DBF4B: variants seen among roughly 807,000 people sequenced by gnomAD.
DBF4B encodes DBF4B-CDC7 kinase regulatory subunit.
A neutral mutation model predicts 53.4 loss-of-function variants in DBF4B; 49 were observed. The observed-to-expected ratio is 0.92, with a 90% CI of 0.73 to 1.16. The LOEUF (loss-of-function observed/expected upper bound fraction) is 1.16. DBF4B is among the 50% of genes most tolerant of loss of function. The pLI is 0.00. For missense variants in DBF4B, 692 were observed against 775.0 expected (o/e 0.89, Z 1.27); for synonymous variants, 257 against 288.7 (o/e 0.89, Z 1.11).
At chr17:44,711,861 G>T (rs575329958) in intron 2 of DBF4B, among the ~76,000 whole-genome samples, 1 of 151,578 alleles carries the variant, frequency 6.6e-6, no homozygotes, top group Non-Finnish European at 1.5e-5. Flanking sequence ...GCGTGAACCC[G>T]GGAGGCGGAG....
At chr17:44,727,793 G>A (rs1027553187) in intron 3 of DBF4B, among the ~76,000 whole-genome samples, 1 of 151,870 alleles carries the variant, frequency 6.6e-6, no homozygotes, top group African/African-American at 2.4e-5. Context: ...CAATTCCCAG[G>A]TGCAAGCGAT....
chr17:44,725,132 A>AC (rs945018546), intron 3 of DBF4B, among the ~76,000 whole-genome samples: 2 of 151,684 alleles, frequency 1.3e-5, no homozygotes, highest in Non-Finnish European at 2.9e-5. Flanking sequence ...AAAAAAAAAA[A>AC]AAAAAAACAT....
chr17:44,729,840 C>T, intron 3 of DBF4B, 65 bp from the exon 4 acceptor site: 2 of 1,553,902 alleles, frequency 1.3e-6, no homozygotes, highest in South Asian at 1.2e-5. Flanking sequence ...CTTCTCCAGC[C>T]TCTTTATATT....
intron 3 of DBF4B, among the ~76,000 whole-genome samples, chr17:44,727,188 GGGCA>G (rs1179343894): frequency 6.6e-6 from 1 of 151,100 alleles, no homozygotes; most frequent in African/African-American, 2.4e-5. Context: ...AGGCTGAGGT[GGGCA>G]GATCACCTGA....
rs2049286702 is a variant in DBF4B at position 44,752,041 on chromosome 17, C to T, written c.*788C>T. On this transcript the variant is annotated 3_prime_UTR_variant, in exon 14 of 14. Coordinates refer to ENST00000315005, the MANE Select transcript of DBF4B (RefSeq NM_145663.3). ...CTAGGTCCCCAGGCCTTTGTTCTTG[C>T]CTCTTCTCGCTGAGCCTTTCACTTC... 3 of 1,477,570 alleles carry T rather than the reference C, an allele frequency of 2.0e-6. No individual in the cohort carries two copies. Among genetic ancestry groups the T allele is most frequent in the African/African-American group, 1.4e-5 (1 of 71,836 alleles). 91.5% of individuals were successfully genotyped at this position (1,477,570 alleles called of 1,614,324 possible).
chr17:44,708,842 A>G lies in DBF4B; in HGVS notation c.19+3A>G. ...TTTGATGAGCGAACCGGGAAAGGGT[A>G]CGGATGCCGGGAAGGGGAGAAAGAA... On this transcript the variant is annotated splice_donor_region_variant and intron_variant, in intron 1 of 13. Coordinates refer to ENST00000315005, the MANE Select transcript of DBF4B (RefSeq NM_145663.3). The G allele has an allele frequency of 6.4e-7, 1 of 1,551,310 alleles. No individual in the cohort carries two copies. Among genetic ancestry groups the G allele is most frequent in the Non-Finnish European group, 8.7e-7 (1 of 1,146,890 alleles).
At chr17:44,723,204 T>G (rs202115894) in intron 3 of DBF4B, among the ~76,000 whole-genome samples, 182 bp downstream of exon 3, 2 of 152,134 alleles carry the variant, frequency 1.3e-5, no homozygotes, top group East Asian at 1.9e-4. Flanking sequence ...CCTCCCGGGT[T>G]CAAGCAATTC....
In DBF4B at chr17:44,732,184, A is replaced by G; in HGVS notation, c.475A>G (p.Ile159Val). 1 of 1,614,046 alleles carries G rather than the reference A, an allele frequency of 6.2e-7. No individual in the cohort carries two copies. ...CTCTGTGTTGTAATTTCAGGGGAGC[A>G]TCAGTGGAGGAGGCAGTGGGGGCAG... ...LQKAIRNQGS[I>V]SGGGSGGSSS... Residue 159 changes from isoleucine (I) to valine (V), a missense_variant, in exon 6 of 14, where the codon ATC becomes GTC. Physicochemically the swap from Ile to Val is conservative, Grantham distance 29. Coordinates refer to ENST00000315005, the MANE Select transcript of DBF4B (RefSeq NM_145663.3).
intron 3 of DBF4B, among the ~76,000 whole-genome samples, chr17:44,725,136 A>C (rs1165912094): frequency 1.3e-5 from 2 of 151,414 alleles, no homozygotes; most frequent in Non-Finnish European, 1.5e-5. Flanking sequence ...AAAAAAAAAA[A>C]AAACATTAGC....
intron 6 of DBF4B, 98 bp downstream of exon 6, chr17:44,732,363 C>G: frequency 3.9e-6 from 5 of 1,268,944 alleles, no homozygotes; most frequent in Non-Finnish European, 5.6e-6. Flanking sequence ...AGCTTCTGGT[C>G]ACCGGAAGCC....
Position 44,749,745 on chromosome 17 carries a change from C to G in DBF4B, c.1190-850C>G. ...TGGGGCAGCAGGAGTCCTGGCCCGG[C>G]TTCCTGGCCCTCCACAGGCCCTTGC... On this transcript the variant is annotated intron_variant, in intron 13 of 13. Transcript: ENST00000315005. This position sits in a 1 kb window ranked among gnomAD's most constrained non-coding sequence, Gnocchi z 4.4. The G allele has an allele frequency of 8.9e-7, 1 of 1,121,542 alleles. No individual in the cohort carries two copies. The highest frequency in any genetic ancestry group is 1.1e-6 in the Non-Finnish European group (1 of 906,214). The allele number at this position is 1,121,542 out of a possible 1,614,324, so 69.5% of individuals were successfully genotyped here.
At chr17:44,735,467 G>A (rs1283890855) in intron 7 of DBF4B, among the ~76,000 whole-genome samples, 2 of 152,180 alleles carry the variant, frequency 1.3e-5, no homozygotes, top group Admixed American at 1.3e-4. Flanking sequence ...GAGGTCGGGA[G>A]TTTGAGACCA....
intron 2 of DBF4B, among the ~76,000 whole-genome samples, chr17:44,712,077 A>G (rs530813778): frequency 1.1e-4 from 17 of 151,518 alleles, no homozygotes; most frequent in African/African-American, 3.9e-4. Flanking sequence ...AGCCTGGGCA[A>G]CAAGAATGAA....
rs766024979 is a variant in DBF4B at position 44,729,998 on chromosome 17, T to TGCCCTA, written c.330_335dup (p.Pro112_Ser113dup). 1 of 1,613,864 alleles carries TGCCCTA rather than the reference T, an allele frequency of 6.2e-7. No individual in the cohort carries two copies. Among genetic ancestry groups the TGCCCTA allele is most frequent in the Non-Finnish European group, 8.5e-7 (1 of 1,180,024 alleles). On this transcript the variant is annotated inframe_insertion, in exon 4 of 14. Transcript: ENST00000315005. ...GAGCAGTGGGAAAAGCCATAGAGGC[T>TGCCCTA]GCCCTAGCCCTAGCCCCAGTGAGGT...
intron 2 of DBF4B, among the ~76,000 whole-genome samples, chr17:44,712,942 C>T (rs1973009269): frequency 6.6e-6 from 1 of 151,860 alleles, no homozygotes; most frequent in African/African-American, 2.4e-5. Context: ...TACCACTTCT[C>T]TGCACCACAC....
At position 44,748,349 on chromosome 17, in the gene DBF4B, G is replaced by C; in HGVS notation, c.1073G>C (p.Gly358Ala). 6.3e-7 allele frequency: 1 copy of C among 1,599,212 alleles called. No individual in the cohort carries two copies. The highest frequency in any genetic ancestry group is 1.1e-5 in the South Asian group (1 of 88,188). The change falls in exon 13 of 14, where the codon GGT (glycine) becomes GCT (alanine). Residue 358 changes from glycine (G) to alanine (A), a missense_variant. Physicochemically the swap from Gly to Ala is moderately conservative, Grantham distance 60. Transcript: ENST00000315005. ...TGTTTCTGTCCCAACAGGTGGTCAG[G>C]TTCCCCAGCTTCTGATTGTGACCCT... ...PFQAGLPRWSGSPASDCDPLC... is the reference protein window; with the variant it reads ...PFQAGLPRWSASPASDCDPLC...
chr17:44,709,306 G>A lies in DBF4B; in HGVS notation c.22G>A (p.Asp8Asn), dbSNP rs1013975573. Residue 8 changes from aspartate to asparagine, a missense_variant and splice_region_variant, in exon 2 of 14, where the codon GAC becomes AAC. Asp to Asn is a conservative substitution (Grantham distance 23). This residue lies in a region of DBF4B where 66 missense variants were observed against 51.3 expected (regional missense o/e 1.29). Transcript: ENST00000315005. MSEPGKG[D>N]DCLELESSMA... The stretch of plus-strand genomic sequence containing the variant: ...GTTGCTGTTATGTCCTTTCTCAGGA[G>A]ACGATTGCCTCGAGCTGGAGAGTTC... 1.1e-5 allele frequency: 18 copies of A among 1,614,136 alleles called. No individual in the cohort carries two copies. Among genetic ancestry groups the A allele is most frequent in the Non-Finnish European group, 1.5e-5 (18 of 1,180,028 alleles).
At chr17:44,724,407 T>A (rs1279241809) in intron 3 of DBF4B, among the ~76,000 whole-genome samples, 2 of 151,674 alleles carry the variant, frequency 1.3e-5, no homozygotes, top group Non-Finnish European at 2.9e-5. Context: ...AGACAGTGTC[T>A]CGCTCTGTCA....
rs2049218953 is a variant in DBF4B at position 44,749,433 on chromosome 17, G to A, written c.1189+968G>A. ...GCCAGGGCTGACCAGGACGCAGGAG[G>A]GGCAGAACCCCAGGACTTCCCCAAA... On this transcript the variant is annotated intron_variant, in intron 13 of 13. Coordinates refer to ENST00000315005, the MANE Select transcript of DBF4B (RefSeq NM_145663.3). This position sits in a 1 kb window ranked among gnomAD's most constrained non-coding sequence, Gnocchi z 4.4. The A allele has an allele frequency of 7.8e-7, 1 of 1,289,300 alleles. No individual in the cohort carries two copies. The highest frequency in any genetic ancestry group is 1.5e-5 in the African/African-American group (1 of 65,874). The allele number at this position is 1,289,300 out of a possible 1,614,324, so 79.9% of individuals were successfully genotyped here.
Sources: allele counts gnomAD v4.1 joint callset (sites outside exome capture counted in the v4.1 genomes callset), GRCh38; gene constraint gnomAD v4.1.1; regional missense constraint gnomAD v4.1.1; non-coding constraint Gnocchi (gnomAD v3.1); transcripts MANE v1.5; gene names NCBI Gene and HGNC (gene_info 2026-07-23, HGNC 2026-07-21).